The following DAAM1 variants were observed in gnomAD, a reference collection of about 807,000 sequenced individuals.
DAAM1 encodes dishevelled associated activator of morphogenesis 1, also known as disheveled-associated activator of morphogenesis 1.
Under a neutral mutation model 130.0 loss-of-function variants are expected in DAAM1, and 52 were observed. The ratio of observed to expected loss-of-function variants is 0.40; its 90% CI spans 0.32 to 0.50. The LOEUF (loss-of-function observed/expected upper bound fraction) is 0.50, where lower values mean the gene tolerates loss of function less well. Ranked by LOEUF, DAAM1 falls within the 20% of genes least tolerant of loss-of-function variation. The probability of loss-of-function intolerance (pLI) is 0.61; values close to 1 mark genes in which losing one functional copy is unlikely to be tolerated. For missense variants in DAAM1, 1,134 were observed against 1,303.8 expected (o/e 0.87, Z 2.01); for synonymous variants, 452 against 444.5 (o/e 1.02, Z -0.21).
chr14:59,274,737 A>G (rs1184644433), intron 2 of DAAM1, among the ~76,000 whole-genome samples: 4 of 152,306 alleles, frequency 2.6e-5, no homozygotes, highest in Non-Finnish European at 5.9e-5. Context: ...TAATATTCTC[A>G]TAGTGGTGAT....
At chr14:59,306,167 C>T (rs1273307112) in intron 3 of DAAM1, among the ~76,000 whole-genome samples, 1 of 151,682 alleles carries the variant, frequency 6.6e-6, no homozygotes, top group Non-Finnish European at 1.5e-5. Flanking sequence ...AGACTTAGAA[C>T]CTATTGTTGG....
intron 3 of DAAM1, among the ~76,000 whole-genome samples, chr14:59,295,243 A>G (rs755394453): frequency 9.9e-5 from 15 of 152,164 alleles, no homozygotes; most frequent in Admixed American, 3.9e-4. Flanking sequence ...GTATGTGTTG[A>G]GGTCTACTTT....
At chr14:59,293,130 G>A (rs1259948369) in intron 3 of DAAM1, among the ~76,000 whole-genome samples, 1 of 152,140 alleles carries the variant, frequency 6.6e-6, no homozygotes, top group African/African-American at 2.4e-5. Flanking sequence ...GCTCATCCTA[G>A]TGTAGATTCT....
At chr14:59,271,951 C>T (rs573254479) in intron 2 of DAAM1, among the ~76,000 whole-genome samples, 95 of 152,036 alleles carry the variant, frequency 6.2e-4, no homozygotes, top group Middle Eastern at 3.4e-3. Flanking sequence ...AGGAACATTC[C>T]ATTTTAAACT....
intron 1 of DAAM1, among the ~76,000 whole-genome samples, chr14:59,226,853 G>A (rs753112359): frequency 6.6e-6 from 1 of 152,180 alleles, no homozygotes. Context: ...ACACTAAGTA[G>A]CATCCCTGTA....
At chr14:59,368,585 C>T in intron 24 of DAAM1, 65 bp from the exon 25 acceptor site, 1 of 1,509,022 alleles carries the variant, frequency 6.6e-7, no homozygotes, top group Non-Finnish European at 9.0e-7. Context: ...AGGAATTGAC[C>T]TCTACTGCAA....
At chr14:59,190,494 C>T (rs1246332581) in intron 1 of DAAM1, among the ~76,000 whole-genome samples, 4 of 152,152 alleles carry the variant, frequency 2.6e-5, no homozygotes, top group Non-Finnish European at 5.9e-5. Context: ...CTAGGTGCAG[C>T]TGATTGGAAG....
rs1342779777 is a variant in DAAM1 at position 59,368,892 on chromosome 14, TTAGCAGCCCTC to T, written c.*36_*46del. On this transcript the variant is annotated 3_prime_UTR_variant, in exon 25 of 25. Coordinates refer to ENST00000360909, the MANE Select transcript of DAAM1 (RefSeq NM_001270520.2). ...TGAATACTTTTTTTTAGAAAGCTCA[TTAGCAGCCCTC>T]TAAAGTGACTAGAACGTTTCATTAC... 1.9e-6 allele frequency: 3 copies of T among 1,599,772 alleles called. No homozygotes were observed. Among genetic ancestry groups the T allele is most frequent in the Admixed American group, 1.7e-5 (1 of 59,258 alleles).
chr14:59,219,597 C>T (rs898951441), intron 1 of DAAM1, among the ~76,000 whole-genome samples: 6 of 152,080 alleles, frequency 3.9e-5, no homozygotes, highest in East Asian at 1.9e-4. Context: ...GACTATTATA[C>T]GGTACTCTTT....
intron 20 of DAAM1, among the ~76,000 whole-genome samples, chr14:59,358,614 G>A (rs1487827474): frequency 6.6e-6 from 1 of 152,014 alleles, no homozygotes; most frequent in Admixed American, 6.5e-5. Flanking sequence ...AGGCCGAGGC[G>A]GGTGGATCAC....
chr14:59,202,540 G>T (rs1225325661), intron 1 of DAAM1, among the ~76,000 whole-genome samples: 4 of 152,180 alleles, frequency 2.6e-5, no homozygotes, highest in African/African-American at 7.2e-5. Flanking sequence ...TGTTTTTAGT[G>T]TTGAGCGTAT....
At chr14:59,224,241 A>G (rs190556615) in intron 1 of DAAM1, among the ~76,000 whole-genome samples, 2 of 152,336 alleles carry the variant, frequency 1.3e-5, no homozygotes, top group East Asian at 1.9e-4. Flanking sequence ...AGCAGCTGCA[A>G]TTGGAATCAC....
chr14:59,311,268 T>C (rs1324218116), intron 3 of DAAM1, among the ~76,000 whole-genome samples: 3 of 152,196 alleles, frequency 2.0e-5, no homozygotes, highest in African/African-American at 7.2e-5. Flanking sequence ...ACAGCTGATA[T>C]TGACATTATG....
intron 20 of DAAM1, among the ~76,000 whole-genome samples, chr14:59,355,661 C>T (rs984035070): frequency 2.0e-5 from 3 of 151,942 alleles, no homozygotes; most frequent in Non-Finnish European, 4.4e-5. Context: ...TTATAATATA[C>T]TAAGAAGAGG....
intron 3 of DAAM1, among the ~76,000 whole-genome samples, chr14:59,311,705 G>A (rs151042499): frequency 2.6e-5 from 4 of 152,106 alleles, no homozygotes; most frequent in East Asian, 1.9e-4. Context: ...TTCTCTCCCC[G>A]ACAGTATATT....
At chr14:59,210,067 A>G (rs899161543) in intron 1 of DAAM1, among the ~76,000 whole-genome samples, 1 of 152,156 alleles carries the variant, frequency 6.6e-6, no homozygotes, top group Non-Finnish European at 1.5e-5. Context: ...GCTTGCGCCC[A>G]GGAATTTGAG....
chr14:59,231,156 C>T (rs1333993793), intron 1 of DAAM1, among the ~76,000 whole-genome samples: 1 of 152,128 alleles, frequency 6.6e-6, no homozygotes, highest in Non-Finnish European at 1.5e-5. Context: ...AAACATATGG[C>T]ACAGCATATT....
intron 10 of DAAM1, 78 bp downstream of exon 10, chr14:59,326,155 G>A: frequency 7.4e-7 from 1 of 1,359,572 alleles, no homozygotes; most frequent in Non-Finnish European, 1.0e-6. Flanking sequence ...CCTGCACAGT[G>A]CTGATTACAT....
chr14:59,216,861 C>T (rs1888596609), intron 1 of DAAM1, among the ~76,000 whole-genome samples: 1 of 151,302 alleles, frequency 6.6e-6, no homozygotes, highest in Non-Finnish European at 1.5e-5. Context: ...TTAGTTACCT[C>T]AATTGGAACT....
Sources: gnomAD v4.1 joint callset for allele counts (sites outside exome capture counted in the v4.1 genomes callset) on GRCh38, gnomAD v4.1.1 for gene constraint, MANE v1.5 for transcripts, NCBI Gene and HGNC (gene_info 2026-07-23, HGNC 2026-07-21) for gene names.